LPCAT3: variants seen among roughly 807,000 people sequenced by gnomAD.
LPCAT3 encodes lysophosphatidylcholine acyltransferase 3, also known as lysophospholipid acyltransferase 5.
Under a neutral mutation model 63.4 loss-of-function variants are expected in LPCAT3, and 21 were observed. The observed-to-expected ratio is 0.33, with a 90% confidence interval of 0.23 to 0.48. LPCAT3 has a LOEUF of 0.48. LPCAT3 is among the 20% of genes least tolerant of loss of function. The pLI is 0.99. For synonymous variants in LPCAT3, 242 were observed against 227.5 expected, an observed-to-expected ratio of 1.06 and a Z score of -0.58; for missense variants, 451 against 590.6, an observed-to-expected ratio of 0.76 and a Z score of 2.45.
At chr12:6,984,360 G>A (rs1211711399) in intron 1 of LPCAT3, among the ~76,000 whole-genome samples, 2 of 152,172 alleles carry the variant, frequency 1.3e-5, no homozygotes, top group Non-Finnish European at 2.9e-5. Flanking sequence ...AATAAAATTT[G>A]GTATTCCTAA....
intron 6 of LPCAT3, 53 bp downstream of exon 6, chr12:6,980,951 T>C: frequency 6.6e-7 from 1 of 1,507,822 alleles, no homozygotes; most frequent in Non-Finnish European, 8.9e-7. Context: ...GAAGAGTCAC[T>C]TCAGAGTGAG....
chr12:6,982,052 G>A (rs1237811397), intron 3 of LPCAT3, 148 bp from the exon 4 acceptor site: 2 of 615,282 alleles, frequency 3.3e-6, no homozygotes, highest in African/African-American at 1.8e-5. Flanking sequence ...CTGAAAACCT[G>A]TAATGGGAAG....
intron 1 of LPCAT3, among the ~76,000 whole-genome samples, chr12:6,984,721 G>C (rs1459768478): frequency 6.6e-6 from 1 of 152,028 alleles, no homozygotes; most frequent in Admixed American, 6.6e-5. Flanking sequence ...TGAGTAGCTG[G>C]GACCACAGGT....
chr12:6,977,566 T>C lies in LPCAT3; in HGVS notation c.1188+32A>G, dbSNP rs1946421746. ...GAGCTCATCAGCATCTTGTCCCTTA[T>C]ATTCCCCTTCACCCCCACCCTGGAG... On this transcript the variant is annotated intron_variant, in intron 10 of 12. Transcript: ENST00000261407. The surrounding 1 kb of genome is among the most constrained non-coding windows in gnomAD (Gnocchi z 4.5). The C allele has an allele frequency of 2.5e-6, 4 of 1,614,056 alleles. No homozygotes were observed. The highest frequency in any genetic ancestry group is 1.1e-5 in the South Asian group (1 of 91,084).
intron 7 of LPCAT3, 51 bp from the exon 8 acceptor site, chr12:6,978,740 TTCTC>T: frequency 6.2e-7 from 1 of 1,604,604 alleles, no homozygotes; most frequent in Non-Finnish European, 8.5e-7. Flanking sequence ...ACTAGGCAGT[TTCTC>T]TCAGCACTCT....
chr12:6,988,580 T>A (rs1177127516), intron 1 of LPCAT3, among the ~76,000 whole-genome samples: 1 of 152,148 alleles, frequency 6.6e-6, no homozygotes, highest in South Asian at 2.1e-4. Context: ...TGGCTAGAGT[T>A]ACCTGAAGAA....
intron 1 of LPCAT3, among the ~76,000 whole-genome samples, chr12:6,989,478 T>G (rs1946566980): frequency 6.6e-6 from 1 of 151,930 alleles, no homozygotes; most frequent in African/African-American, 2.4e-5. Context: ...GCCCAGCTAA[T>G]TTTTTGTATT....
At chr12:6,981,979 T>G in intron 3 of LPCAT3, 75 bp from the exon 4 acceptor site, 1 of 812,392 alleles carries the variant, frequency 1.2e-6, no homozygotes, top group Non-Finnish European at 2.1e-6. Context: ...ATGTTCTCTT[T>G]CCTTTTTCCT....
chr12:6,984,636 G>T (rs1179052925), intron 1 of LPCAT3, among the ~76,000 whole-genome samples: 5 of 152,102 alleles, frequency 3.3e-5, no homozygotes, highest in Admixed American at 3.3e-4. Context: ...ACCCAGGCTG[G>T]AGTGCAGTGG....
At chr12:7,014,892 C>CA (rs375839002) in intron 1 of LPCAT3, among the ~76,000 whole-genome samples, 1,284 of 55,854 alleles carry the variant, frequency 0.023, 12 homozygotes, top group East Asian at 0.066. Flanking sequence ...GACTCCGTCT[C>CA]AAAAAAAAAA....
chr12:6,977,645 G>A lies in LPCAT3; in HGVS notation c.1141C>T (p.Leu381=). ...ALWHGLHSGY[L]VCFQMEFLIV... ...AGGAATTCCATCTGGAAGCAGACCA[G>A]GTATCCTGAGTGCAGGCCGTGCCAG... Residue 381 remains leucine, a synonymous_variant, in exon 10 of 13, where the codon CTG becomes TTG. Coordinates refer to ENST00000261407, the MANE Select transcript of LPCAT3 (RefSeq NM_005768.6). The surrounding 1 kb of genome is among the most constrained non-coding windows in gnomAD (Gnocchi z 4.5). 6.2e-7 allele frequency: 1 copy of A among 1,614,242 alleles called. No individual in the cohort carries two copies. Among genetic ancestry groups the A allele is most frequent in the South Asian group, 1.1e-5 (1 of 91,084 alleles).
chr12:6,988,987 G>C (rs1226623269), intron 1 of LPCAT3, among the ~76,000 whole-genome samples: 1 of 152,132 alleles, frequency 6.6e-6, no homozygotes, highest in Middle Eastern at 3.4e-3. Flanking sequence ...TTAGCTGGGC[G>C]TGGTAGTGCA....
chr12:7,003,757 T>TAAAAATAC (rs1946706235), intron 1 of LPCAT3, among the ~76,000 whole-genome samples: 1 of 149,880 alleles, frequency 6.7e-6, no homozygotes, highest in South Asian at 2.1e-4. Context: ...CCCGTCTCTA[T>TAAAAATAC]TAAAAATACA....
chr12:6,981,416 G>C, intron 5 of LPCAT3, 179 bp downstream of exon 5: 1 of 737,798 alleles, frequency 1.4e-6, no homozygotes, highest in East Asian at 2.6e-5. Context: ...TGCAAGAGCT[G>C]GATCCTGGGC....
At chr12:7,011,164 A>G (rs1477954154) in intron 1 of LPCAT3, among the ~76,000 whole-genome samples, 1 of 152,116 alleles carries the variant, frequency 6.6e-6, no homozygotes, top group Non-Finnish European at 1.5e-5. Context: ...CCTCCCAAGC[A>G]GCAGGGACTA....
chr12:7,017,312 T>G lies in LPCAT3; in HGVS notation c.151+962A>C, dbSNP rs1398615385. On this transcript the variant is annotated intron_variant, in intron 1 of 12. Transcript: ENST00000261407. The surrounding 1 kb of genome is among the most constrained non-coding windows in gnomAD (Gnocchi z 4.1). ...TACAGGTACTTCCCAATCTTGGCCC[T>G]TCTACAGGACTTTATGGCAATCCTA... Among the ~76,000 whole-genome samples, 1 of 152,226 alleles carries G rather than the reference T, an allele frequency of 6.6e-6. No homozygotes were observed. Among genetic ancestry groups the G allele is most frequent in the East Asian group, 1.9e-4 (1 of 5,204 alleles).
intron 1 of LPCAT3, among the ~76,000 whole-genome samples, chr12:7,002,274 C>T (rs1180001507): frequency 6.6e-6 from 1 of 152,148 alleles, no homozygotes; most frequent in Non-Finnish European, 1.5e-5. Context: ...TGGGATTGTA[C>T]ACTTTCTGGT....
At chr12:6,990,015 A>G (rs1310750842) in intron 1 of LPCAT3, among the ~76,000 whole-genome samples, 4 of 151,696 alleles carry the variant, frequency 2.6e-5, no homozygotes, top group Non-Finnish European at 4.4e-5. Context: ...TCTACAAAAA[A>G]TAAAAAAAAT....
chr12:6,985,171 C>CATGAG (rs1329778429), intron 1 of LPCAT3, among the ~76,000 whole-genome samples: 1 of 148,370 alleles, frequency 6.7e-6, no homozygotes, highest in Non-Finnish European at 1.5e-5. Context: ...ACGGGCGGAT[C>CATGAG]ATGAGGACAG....
Sources: allele counts gnomAD v4.1 joint callset (sites outside exome capture counted in the v4.1 genomes callset), GRCh38; gene constraint gnomAD v4.1.1; non-coding constraint Gnocchi (gnomAD v3.1); transcripts MANE v1.5; gene names NCBI Gene and HGNC (gene_info 2026-07-23, HGNC 2026-07-21).